Variants in SLC33A1 observed in about 807,000 individuals in gnomAD.
SLC33A1 encodes the protein acetyl-coenzyme A transporter 1.
In SLC33A1, 20 loss-of-function variants were observed where a neutral mutation model predicts 50.0. The ratio of observed to expected loss-of-function variants is 0.40; its 90% CI spans 0.28 to 0.58. SLC33A1 has a LOEUF of 0.58. Ranked by LOEUF, SLC33A1 falls within the 20% of genes least tolerant of loss-of-function variation. The pLI is 0.44. For missense variants in SLC33A1, 476 were observed against 657.0 expected, an observed-to-expected ratio of 0.72 and a Z score of 3.01; for synonymous variants, 265 against 251.8, an observed-to-expected ratio of 1.05 and a Z score of -0.50.
In SLC33A1 at chr3:155,828,362, C is replaced by A. The variant is rs528636548; in HGVS notation, c.1498G>T (p.Gly500Cys). 76 of 1,603,120 alleles carry A rather than the reference C, an allele frequency of 4.7e-5. No individual in the cohort carries two copies. In the Admixed American group the frequency reaches 7.0e-4, roughly 15 times the overall value. ...TCCAGGGCTGTAACACATGAGCCACCCAGTTTTTTGCAAAGCTGTAAAAAT... is the reference window on the plus strand; with the variant it reads ...TCCAGGGCTGTAACACATGAGCCACACAGTTTTTTGCAAAGCTGTAAAAAT... The part of the protein sequence containing the change: ...PDAVELCKKL[G>C]GSCVTALDGY... Residue 500 changes from glycine to cysteine, a missense_variant, in exon 6 of 6, where the codon GGT becomes TGT. Coordinates refer to ENST00000643144, the MANE Select transcript of SLC33A1 (RefSeq NM_004733.4).
At chr3:155,832,124 T>A (rs1752461319) in intron 4 of SLC33A1, among the ~76,000 whole-genome samples, 1 of 152,186 alleles carries the variant, frequency 6.6e-6, no homozygotes, top group African/African-American at 2.4e-5. Context: ...ATGCCTGTAA[T>A]CCCAGCACTC....
rs1372941577 is a variant in SLC33A1 at position 155,823,231 on chromosome 3, T to C, written c.*4979A>G. 1 of 152,250 alleles carries C rather than the reference T, an allele frequency of 6.6e-6. No homozygotes were observed. Among genetic ancestry groups the C allele is most frequent in the Non-Finnish European group, 1.5e-5 (1 of 68,048 alleles). 9.4% of individuals were successfully genotyped at this position (152,250 alleles called of 1,614,324 possible). Reference sequence around the variant, plus strand: ...AATAAGGAAAATAAGCTATCCATGCTGATTCTACCTTGCTAGCAAATTGGG... The same window carrying C: ...AATAAGGAAAATAAGCTATCCATGCCGATTCTACCTTGCTAGCAAATTGGG... On this transcript the variant is annotated 3_prime_UTR_variant, in exon 6 of 6. Coordinates refer to ENST00000643144, the MANE Select transcript of SLC33A1 (RefSeq NM_004733.4).
Position 155,823,697 on chromosome 3 carries a change from GTGTTTTTGTTT to G in SLC33A1, c.*4502_*4512del, listed in dbSNP as rs1159942262. Reference sequence around the variant, plus strand: ...GTAAAAAGAACATGGTCTGCAGTAGGTGTTTTTGTTTTGTTTTTGTTTGTTTGTTTTTGAAA... The same window carrying G: ...GTAAAAAGAACATGGTCTGCAGTAGGTGTTTTTGTTTGTTTGTTTTTGAAA... On this transcript the variant is annotated 3_prime_UTR_variant, in exon 6 of 6. Coordinates refer to ENST00000643144, the MANE Select transcript of SLC33A1 (RefSeq NM_004733.4). 11 of 152,048 alleles carry G rather than the reference GTGTTTTTGTTT, an allele frequency of 7.2e-5. No individual in the cohort carries two copies. Among genetic ancestry groups the G allele is most frequent in the Admixed American group, 3.3e-4 (5 of 15,236 alleles). The allele number at this position is 152,048 out of a possible 1,614,324, so 9.4% of individuals were successfully genotyped here.
At chr3:155,848,970 T>C (rs2108003880) in intron 1 of SLC33A1, among the ~76,000 whole-genome samples, 1 of 152,286 alleles carries the variant, frequency 6.6e-6, no homozygotes. Context: ...TGGAGTGCAG[T>C]GGTGTGATCT....
At chr3:155,842,726 T>C in intron 1 of SLC33A1, 107 bp from the exon 2 acceptor site, 1 of 701,802 alleles carries the variant, frequency 1.4e-6, no homozygotes, top group Non-Finnish European at 2.2e-6. Context: ...TTTAAAAAAT[T>C]AGCCAAGTAC....
rs956307425 is a variant in SLC33A1 at position 155,822,919 on chromosome 3, C to T, written c.*5291G>A. 2 of 152,050 alleles carry T rather than the reference C, an allele frequency of 1.3e-5. No homozygotes were observed. The highest frequency in any genetic ancestry group is 1.3e-4 in the Admixed American group (2 of 15,250). 9.4% of individuals were successfully genotyped at this position (152,050 alleles called of 1,614,324 possible). A position where few individuals can be genotyped will look rare whatever the true frequency, so the allele number is the denominator to read the frequency against. ...AATAGAGATGCAGTCTCCCTGGTCT[C>T]GATCTCCTGAGCTCAAGCAATACTC... is the stretch of plus-strand genomic sequence containing the variant. On this transcript the variant is annotated 3_prime_UTR_variant, in exon 6 of 6. Coordinates refer to ENST00000643144, the MANE Select transcript of SLC33A1 (RefSeq NM_004733.4).
intron 5 of SLC33A1, among the ~76,000 whole-genome samples, chr3:155,829,336 T>C (rs1357334597): frequency 6.6e-6 from 1 of 152,250 alleles, no homozygotes; most frequent in African/African-American, 2.4e-5. Context: ...GGTTTAGTTA[T>C]CACTGTTATA....
intron 5 of SLC33A1, among the ~76,000 whole-genome samples, chr3:155,829,184 G>T (rs1752309994): frequency 6.6e-6 from 1 of 152,158 alleles, no homozygotes; most frequent in African/African-American, 2.4e-5. Flanking sequence ...ATACAGGCGT[G>T]AGCCACTGCA....
intron 1 of SLC33A1, among the ~76,000 whole-genome samples, chr3:155,845,283 G>T (rs1401059723): frequency 6.6e-6 from 1 of 152,090 alleles, no homozygotes; most frequent in East Asian, 1.9e-4. Context: ...GAAAAAAGAA[G>T]AAGAAACTAC....
chr3:155,829,587 A>G (rs1752328324), intron 5 of SLC33A1, 101 bp downstream of exon 5: 2 of 840,650 alleles, frequency 2.4e-6, no homozygotes, highest in Admixed American at 4.1e-5. Context: ...ACCTATGGAC[A>G]GATATGATTT....
rs1483709305 is a variant in SLC33A1 at position 155,824,350 on chromosome 3, C to T, written c.*3860G>A. Reference sequence around the variant, plus strand: ...CTCCAAAATACAAAAATTAAATTTTCAGCTTTTATATCAAATAATGGTCTC... The same window carrying T: ...CTCCAAAATACAAAAATTAAATTTTTAGCTTTTATATCAAATAATGGTCTC... On this transcript the variant is annotated 3_prime_UTR_variant, in exon 6 of 6. Transcript: ENST00000643144. The T allele has an allele frequency of 2.6e-5, 4 of 152,278 alleles. No individual in the cohort carries two copies. In the East Asian group the frequency reaches 7.7e-4, roughly 29 times the overall value. 9.4% of individuals were successfully genotyped at this position (152,278 alleles called of 1,614,324 possible).
At position 155,853,628 on chromosome 3, in the gene SLC33A1, G is replaced by A. The variant is rs141818342; in HGVS notation, c.370C>T (p.Leu124Phe). 4.7e-4 allele frequency: 763 copies of A among 1,614,182 alleles called. No individual in the cohort carries two copies. Among genetic ancestry groups the A allele is most frequent in the Non-Finnish European group, 6.0e-4 (708 of 1,180,036 alleles). Residue 124 changes from leucine to phenylalanine, a missense_variant, in exon 1 of 6, where the codon CTC becomes TTC. Transcript: ENST00000643144. ...ACCGCATCAACCAACGGGGCCCAGA[G>A]TAATTTGAGACTGAAGGGCCAAAAG... ...FVFWPFSLKL[L>F]WAPLVDAVYV...
intron 2 of SLC33A1, among the ~76,000 whole-genome samples, chr3:155,835,255 G>A (rs998436255): frequency 1.3e-5 from 2 of 152,036 alleles, no homozygotes; most frequent in African/African-American, 4.8e-5. Context: ...GTAGCTAAAC[G>A]TTAATAATTA....
intron 1 of SLC33A1, chr3:155,844,818 G>A (rs1359060253): frequency 6.6e-6 from 1 of 151,934 alleles, no homozygotes; most frequent in South Asian, 2.1e-4. Context: ...TGGTTCGAAA[G>A]GAATGAACAA....
At chr3:155,849,767 G>A (rs905152911) in intron 1 of SLC33A1, among the ~76,000 whole-genome samples, 8 of 151,314 alleles carry the variant, frequency 5.3e-5, no homozygotes, top group Non-Finnish European at 1.2e-4. Context: ...AATTAGCCAG[G>A]CATGGTGGCA....
intron 2 of SLC33A1, 63 bp downstream of exon 2, chr3:155,842,369 G>T: frequency 3.0e-6 from 3 of 1,012,236 alleles, no homozygotes; most frequent in Non-Finnish European, 4.6e-6. Context: ...AAAAGGCATT[G>T]TAAGTATTCC....
At chr3:155,843,675 T>A (rs3762716) in intron 1 of SLC33A1, among the ~76,000 whole-genome samples, 30,179 of 150,474 alleles carry the variant, frequency 0.2, 7,620 homozygotes, top group African/African-American at 0.61. Flanking sequence ...CCTTTACTTC[T>A]ACAGCCCAAT....
intron 1 of SLC33A1, among the ~76,000 whole-genome samples, chr3:155,852,299 C>T (rs1753431403): frequency 6.6e-6 from 1 of 151,680 alleles, no homozygotes; most frequent in Non-Finnish European, 1.5e-5. Flanking sequence ...CCCCGACCCC[C>T]AACTATCTCA....
Position 155,830,239 on chromosome 3 carries a change from GGCA to G in SLC33A1, c.1267-339_1267-337del, listed in dbSNP as rs1403690947. Among the ~76,000 whole-genome samples, 4 of 151,606 alleles carry G rather than the reference GGCA, an allele frequency of 2.6e-5. No individual in the cohort carries two copies. In the South Asian group the frequency reaches 8.4e-4, roughly 32 times the overall value. ...AAAAAAAAAAATAGCCGGATGTGGT[GGCA>G]GGCGCCTGTAGTCCCAGCTACTTGG... On this transcript the variant is annotated intron_variant, in intron 4 of 5. Coordinates refer to ENST00000643144, the MANE Select transcript of SLC33A1 (RefSeq NM_004733.4).
Sources: allele counts gnomAD v4.1 joint callset (sites outside exome capture counted in the v4.1 genomes callset), GRCh38; gene constraint gnomAD v4.1.1; transcripts MANE v1.5; gene names NCBI Gene and HGNC (gene_info 2026-07-23, HGNC 2026-07-21).